The following SLC22A5 variants were observed in gnomAD, a reference collection of about 807,000 sequenced individuals.
The protein encoded by SLC22A5 is solute carrier family 22 member 5.
SLC22A5 carries 44 observed loss-of-function variants against 56.7 expected under a neutral mutation model. The observed-to-expected ratio is 0.78, with a 90% CI of 0.61 to 1.00. SLC22A5 has a LOEUF of 1.00. Ranked by LOEUF, SLC22A5 falls within the 50% of genes least tolerant of loss-of-function variation. The pLI is 0.00. For synonymous variants in SLC22A5, 278 were observed against 292.1 expected (o/e 0.95, Z 0.49); for missense variants, 675 against 723.0 (o/e 0.93, Z 0.76).
At chr5:132,384,105 C>T (rs755855806) in intron 2 of SLC22A5, 42 bp from the exon 3 acceptor site, 1 of 1,610,198 alleles carries the variant, frequency 6.2e-7, no homozygotes, top group East Asian at 2.2e-5. Context: ...TTCCTGCTGC[C>T]CTTTTCCAGC....
chr5:132,394,372 G>T lies in SLC22A5; in HGVS notation c.*100G>T. On this transcript the variant is annotated 3_prime_UTR_variant, in exon 10 of 10. Coordinates refer to ENST00000245407, the MANE Select transcript of SLC22A5 (RefSeq NM_003060.4). The stretch of plus-strand genomic sequence containing the variant: ...AGTCCTTCAGTGACAAAAGGCCTTT[G>T]CTGTTTGTCCTCTTGACCTGTGTCT... 2.2e-6 allele frequency: 2 copies of T among 893,842 alleles called. No homozygotes were observed. Among genetic ancestry groups the T allele is most frequent in the Admixed American group, 3.4e-5 (2 of 58,542 alleles). The allele number at this position is 893,842 out of a possible 1,614,324, so 55.4% of individuals were successfully genotyped here.
At chr5:132,373,362 C>T (rs1249844137) in intron 1 of SLC22A5, among the ~76,000 whole-genome samples, 1 of 151,966 alleles carries the variant, frequency 6.6e-6, no homozygotes, top group African/African-American at 2.4e-5. Context: ...ATTGGCAGGG[C>T]GTGGTGGCTC....
intron 8 of SLC22A5, 59 bp downstream of exon 8, chr5:132,392,674 G>C: frequency 1.4e-6 from 2 of 1,454,390 alleles, no homozygotes; most frequent in Non-Finnish European, 1.9e-6. Flanking sequence ...TAACTGGCTT[G>C]AATGTGAGCT....
Position 132,377,270 on chromosome 5 carries a change from A to T in SLC22A5, c.394-1108A>T, listed in dbSNP as rs890786180. 1.4e-4 allele frequency: 21 copies of T among 152,010 alleles called. 1 individual carries two copies. Among genetic ancestry groups the T allele is most frequent in the Admixed American group, 1.3e-4 (2 of 15,270 alleles). 9.4% of individuals were successfully genotyped at this position (152,010 alleles called of 1,614,324 possible). A position where few individuals can be genotyped will look rare whatever the true frequency, so the allele number is the denominator to read the frequency against. On this transcript the variant is annotated intron_variant, in intron 1 of 9. Transcript: ENST00000245407. ...TTTCCCTGTCACTGGCTTGGAAGAG[A>T]TGCTTTGTTCTAGGGAGCCGCATGT... is the stretch of plus-strand genomic sequence containing the variant.
chr5:132,386,124 C>T (rs568527211), intron 4 of SLC22A5, among the ~76,000 whole-genome samples: 2 of 152,258 alleles, frequency 1.3e-5, no homozygotes, highest in Admixed American at 6.5e-5. Flanking sequence ...GGGTGGGGGG[C>T]GGCTACCTGG....
chr5:132,369,738 G>A lies in SLC22A5; in HGVS notation c.-235G>A. ...TTCGCCGGCGCCGCTCTGCCTGCCA[G>A]CGGGGCGCGCCTTGCGGCCCAGGCC... On this transcript the variant is annotated 5_prime_UTR_variant, in exon 1 of 10. Coordinates refer to ENST00000245407, the MANE Select transcript of SLC22A5 (RefSeq NM_003060.4). 1 of 477,098 alleles carries A rather than the reference G, an allele frequency of 2.1e-6. No individual in the cohort carries two copies. 29.6% of individuals were successfully genotyped at this position (477,098 alleles called of 1,614,324 possible).
intron 1 of SLC22A5, 71 bp downstream of exon 1, chr5:132,370,436 C>T (rs973853944): frequency 1.3e-6 from 2 of 1,526,932 alleles, no homozygotes; most frequent in Non-Finnish European, 1.8e-6. Context: ...AACCCGAGCT[C>T]CTCTCTCCCA....
rs1366527151 is a variant in SLC22A5, at chr5:132,385,519, C to T, written c.824+20C>T. The T allele has an allele frequency of 6.2e-7, 1 of 1,609,502 alleles. No homozygotes were observed. The highest frequency in any genetic ancestry group is 8.5e-7 in the Non-Finnish European group (1 of 1,175,938). On this transcript the variant is annotated intron_variant, in intron 4 of 9. Transcript: ENST00000245407. Reference sequence around the variant, plus strand: ...CTGGTGGTGAGTGTGACCTTGTGCCCCATGTGCCCACTGGCAGGATGATTT... The same window carrying T: ...CTGGTGGTGAGTGTGACCTTGTGCCTCATGTGCCCACTGGCAGGATGATTT...
At chr5:132,389,357 G>A (rs1476985601) in intron 6 of SLC22A5, 1 of 359,966 alleles carries the variant, frequency 2.8e-6, no homozygotes. Flanking sequence ...GAGGAGGCCA[G>A]GTAGGGCTTT....
At chr5:132,383,984 T>C in intron 2 of SLC22A5, 163 bp from the exon 3 acceptor site, 1 of 714,354 alleles carries the variant, frequency 1.4e-6, no homozygotes, top group Non-Finnish European at 2.5e-6. Flanking sequence ...GGGGGAGAAA[T>C]AGCATGGGCA....
Position 132,394,292 on chromosome 5 carries a change from G to A in SLC22A5, c.*20G>A. ...TTCTAACATCGCTTCCAGTAAGGGA[G>A]AAACTGAAGAGGAAAGACTGTCTTG... On this transcript the variant is annotated 3_prime_UTR_variant, in exon 10 of 10. Transcript: ENST00000245407. The A allele has an allele frequency of 6.5e-7, 1 of 1,541,746 alleles. No homozygotes were observed.
intron 2 of SLC22A5, 188 bp from the exon 3 acceptor site, chr5:132,383,959 C>A: frequency 1.5e-6 from 1 of 650,070 alleles, no homozygotes; most frequent in Non-Finnish European, 2.8e-6. Flanking sequence ...GTACATTTGT[C>A]ATGGGGAGTG....
chr5:132,384,172 G>A lies in SLC22A5; in HGVS notation c.523G>A (p.Val175Met), dbSNP rs781721860. The change falls in exon 3 of 10, where the codon GTG (valine) becomes ATG (methionine). Residue 175 changes from valine (V) to methionine (M), a missense_variant. Physicochemically the swap from Val to Met is conservative, Grantham distance 21. Coordinates refer to ENST00000245407, the MANE Select transcript of SLC22A5 (RefSeq NM_003060.4). Reference protein sequence around the residue: ...DRFGRKNVLFVTMGMQTGFSF... With the variant: ...DRFGRKNVLFMTMGMQTGFSF... ...GTTTGGCCGGAAGAATGTGCTGTTC[G>A]TGACCATGGGCATGCAGACAGGCTT... The A allele has an allele frequency of 6.7e-5, 108 of 1,614,188 alleles. No individual in the cohort carries two copies. Among genetic ancestry groups the A allele is most frequent in the Middle Eastern group, 3.3e-4 (2 of 6,062 alleles).
chr5:132,381,073 C>T (rs893097849), intron 2 of SLC22A5: 19 of 152,084 alleles, frequency 1.2e-4, no homozygotes, highest in African/African-American at 4.3e-4. Flanking sequence ...AGGAGATACC[C>T]CAAGTTCAGA....
chr5:132,393,525 C>T (rs1752776377), intron 8 of SLC22A5, 151 bp from the exon 9 acceptor site: 2 of 979,276 alleles, frequency 2.0e-6, no homozygotes, highest in East Asian at 2.4e-5. Flanking sequence ...TGTCTAGATG[C>T]CAGATTCTAA....
chr5:132,371,737 G>A (rs2631360), intron 1 of SLC22A5, among the ~76,000 whole-genome samples: 90,357 of 151,874 alleles, frequency 0.59, 27,678 homozygotes, highest in East Asian at 1. Context: ...GAAGGCCCCA[G>A]TGCAGCAGCA....
At chr5:132,383,283 GC>G (rs1752408419) in intron 2 of SLC22A5, 1 of 151,898 alleles carries the variant, frequency 6.6e-6, no homozygotes, top group Admixed American at 6.6e-5. Flanking sequence ...ATTTAGTGTT[GC>G]CCACTTAATA....
chr5:132,388,028 C>T (rs1041878649), intron 5 of SLC22A5, among the ~76,000 whole-genome samples: 15 of 152,186 alleles, frequency 9.9e-5, no homozygotes, highest in African/African-American at 3.6e-4. Flanking sequence ...TTGTAGACAG[C>T]GGAGGCCAAT....
At chr5:132,383,824 G>T (rs955763515) in intron 2 of SLC22A5, 35 of 311,638 alleles carry the variant, frequency 1.1e-4, no homozygotes, top group South Asian at 2.8e-4. Flanking sequence ...TCCAAATTTG[G>T]CAGATTCTTT....
Sources: gnomAD v4.1 joint callset for allele counts (sites outside exome capture counted in the v4.1 genomes callset) on GRCh38, gnomAD v4.1.1 for gene constraint, MANE v1.5 for transcripts, NCBI Gene and HGNC (gene_info 2026-07-23, HGNC 2026-07-21) for gene names.